DMD: variants seen among roughly 807,000 people sequenced by gnomAD.
DMD encodes the protein mutant dystrophin.
Under a neutral mutation model 330.1 loss-of-function variants are expected in DMD, and 63 were observed. The observed-to-expected ratio is 0.19, with a 90% confidence interval of 0.16 to 0.24. DMD has a LOEUF of 0.24. DMD is among the 10% of genes least tolerant of loss of function. DMD has a pLI of 1.00. For synonymous variants in DMD, 1,223 were observed against 959.8 expected, an observed-to-expected ratio of 1.27 and a Z score of -5.07; for missense variants, 3,344 against 2,684.1, an observed-to-expected ratio of 1.25 and a Z score of -5.43.
chrX:31,786,031 C>A (rs2091280747), intron 50 of DMD, among the ~76,000 whole-genome samples: 1 of 112,068 alleles, frequency 8.9e-6, no homozygotes, highest in Admixed American at 9.4e-5. Context: ...GCCACACGGT[C>A]TTCCACAATG....
intron 1 of DMD, among the ~76,000 whole-genome samples, chrX:33,184,582 C>T (rs983420118): frequency 9.0e-6 from 1 of 110,707 alleles, no homozygotes; most frequent in Non-Finnish European, 1.9e-5. Flanking sequence ...AATATAATTC[C>T]ATATGACTAA....
At chrX:31,574,835 C>T (rs759647155) in intron 55 of DMD, among the ~76,000 whole-genome samples, 30 of 111,857 alleles carry the variant, frequency 2.7e-4, no homozygotes, top group Admixed American at 2.5e-3. Flanking sequence ...CAAAATAAAA[C>T]TACGATTTTC....
intron 55 of DMD, among the ~76,000 whole-genome samples, chrX:31,587,711 G>A (rs1293399041): frequency 9.0e-6 from 1 of 111,134 alleles, no homozygotes; most frequent in African/African-American, 3.3e-5. Flanking sequence ...GGTCAGCGAG[G>A]CTTGGGATTA....
At chrX:32,064,039 G>A (rs2096245618) in intron 44 of DMD, among the ~76,000 whole-genome samples, 2 of 110,903 alleles carry the variant, frequency 1.8e-5, no homozygotes, top group South Asian at 7.5e-4. Flanking sequence ...TCAAAGTGGA[G>A]GTTAAAAGTT....
At chrX:32,955,870 GGTTCTCT>G (rs1387939685) in intron 2 of DMD, among the ~76,000 whole-genome samples, 2 of 111,500 alleles carry the variant, frequency 1.8e-5, no homozygotes, top group African/African-American at 3.3e-5. Context: ...CTTATTTCTT[GGTTCTCT>G]GTTTTGTTCC....
chrX:31,476,424 C>CACACACACACAT (rs1159583949), intron 59 of DMD, among the ~76,000 whole-genome samples: 3 of 99,547 alleles, frequency 3.0e-5, no homozygotes, highest in Non-Finnish European at 6.0e-5. Context: ...TATATATACA[C>CACACACACACAT]ACACACACAC....
chrX:32,205,557 A>T (rs757308319), intron 44 of DMD, among the ~76,000 whole-genome samples: 53 of 111,376 alleles, frequency 4.8e-4, no homozygotes, highest in Non-Finnish European at 8.8e-4. Flanking sequence ...TTTGCTAATT[A>T]TACCACTTAA....
At chrX:31,784,483 C>G (rs1280439352) in intron 50 of DMD, among the ~76,000 whole-genome samples, 1 of 111,724 alleles carries the variant, frequency 9.0e-6, no homozygotes, top group Admixed American at 9.5e-5. Context: ...ATCCAGTCCT[C>G]AAAAAATAAA....
chrX:32,498,558 T>G (rs1018400825), intron 19 of DMD, among the ~76,000 whole-genome samples: 1 of 111,074 alleles, frequency 9.0e-6, no homozygotes, highest in Non-Finnish European at 1.9e-5. Context: ...GGCAAGGAAT[T>G]TGGCCAACTC....
intron 53 of DMD, among the ~76,000 whole-genome samples, chrX:31,667,068 G>A (rs1483511221): frequency 9.0e-6 from 1 of 111,513 alleles, no homozygotes; most frequent in African/African-American, 3.3e-5. Flanking sequence ...TCTAATTTGA[G>A]AACATTTTAT....
chrX:32,911,913 A>C lies in DMD; in HGVS notation c.94-62093T>G, dbSNP rs750710989. Among the ~76,000 whole-genome samples the C allele has an allele frequency of 3.6e-5, 4 of 110,925 alleles. No individual in the cohort carries two copies. In the East Asian group the frequency reaches 1.1e-3, roughly 31 times the overall value. On this transcript the variant is annotated intron_variant, in intron 2 of 78. Coordinates refer to ENST00000357033, the MANE Select transcript of DMD (RefSeq NM_004006.3). ...ATTGAAACAAATGAGAGAAGAACAGAGTTGACAAGCTGTGGAGGACAAAGT... is the reference window on the plus strand; with the variant it reads ...ATTGAAACAAATGAGAGAAGAACAGCGTTGACAAGCTGTGGAGGACAAAGT...
At chrX:32,592,741 T>C (rs1404164938) in intron 13 of DMD, among the ~76,000 whole-genome samples, 1 of 112,306 alleles carries the variant, frequency 8.9e-6, no homozygotes, top group Non-Finnish European at 1.9e-5. Flanking sequence ...AGCTGTGGCC[T>C]TTTGCAGAGC....
At chrX:32,519,978 C>T (rs2046260565) in intron 17 of DMD, among the ~76,000 whole-genome samples, 1 of 111,732 alleles carries the variant, frequency 8.9e-6, no homozygotes, top group African/African-American at 3.3e-5. Flanking sequence ...GACCTCAATA[C>T]CATGGGTCAG....
intron 2 of DMD, among the ~76,000 whole-genome samples, chrX:32,876,903 T>C (rs1179706976): frequency 1.8e-5 from 2 of 112,281 alleles, no homozygotes; most frequent in Non-Finnish European, 3.8e-5. Context: ...GGAATCTTTG[T>C]AGCCTCTAGG....
intron 49 of DMD, among the ~76,000 whole-genome samples, chrX:31,824,406 G>A (rs1038688043): frequency 1.8e-5 from 2 of 110,379 alleles, no homozygotes; most frequent in Middle Eastern, 4.7e-3. Context: ...GGGATTACAG[G>A]CTCGCACCAC....
At position 32,659,112 on chromosome X, in the gene DMD, G is replaced by A. The variant is rs73451064; in HGVS notation, c.961-13960C>T. 4.9e-3 allele frequency among the ~76,000 whole-genome samples: 549 copies of A among 111,745 alleles called. 5 individuals are homozygous for A. The highest frequency in any genetic ancestry group is 0.017 in the African/African-American group (516 of 30,831). The stretch of plus-strand genomic sequence containing the variant: ...AATAGAGAACTAACAACAATAAAGA[G>A]GAGTTTGGTTCAATTAGATTTTAGG... On this transcript the variant is annotated intron_variant, in intron 9 of 78. Transcript: ENST00000357033.
chrX:31,865,209 G>A (rs1234432051), intron 48 of DMD, among the ~76,000 whole-genome samples: 1 of 111,729 alleles, frequency 9.0e-6, no homozygotes, highest in African/African-American at 3.3e-5. Flanking sequence ...AAACAAACAC[G>A]CTTCAAGGTG....
At chrX:32,105,008 A>G (rs775650308) in intron 44 of DMD, among the ~76,000 whole-genome samples, 1 of 112,360 alleles carries the variant, frequency 8.9e-6, no homozygotes, top group African/African-American at 3.2e-5. Flanking sequence ...TATATGTTAA[A>G]TGGATTTACA....
chrX:31,139,518 T>C (rs1187771349), intron 76 of DMD, among the ~76,000 whole-genome samples: 1 of 107,540 alleles, frequency 9.3e-6, no homozygotes, highest in Non-Finnish European at 1.9e-5. Flanking sequence ...CGCCATGGAA[T>C]ATTAGTCATG....
Sources: gnomAD v4.1 joint callset for allele counts (sites outside exome capture counted in the v4.1 genomes callset) on GRCh38, gnomAD v4.1.1 for gene constraint, MANE v1.5 for transcripts, NCBI Gene and HGNC (gene_info 2026-07-23, HGNC 2026-07-21) for gene names.